DPP10: variants seen among roughly 807,000 people sequenced by gnomAD.
DPP10 encodes dipeptidyl peptidase like 10.
In DPP10, 33 loss-of-function variants were observed where a neutral mutation model predicts 120.9. That is an observed-to-expected ratio of 0.27 (90% CI 0.21 to 0.37). DPP10 has a LOEUF of 0.37. DPP10 is among the 10% of genes least tolerant of loss of function. The pLI is 1.00. For missense variants in DPP10, 816 were observed against 942.8 expected, an observed-to-expected ratio of 0.87 and a Z score of 1.76; for synonymous variants, 337 against 326.1, an observed-to-expected ratio of 1.03 and a Z score of -0.36.
chr2:114,700,259 C>A (rs1479716835), intron 1 of DPP10, among the ~76,000 whole-genome samples: 1 of 152,072 alleles, frequency 6.6e-6, no homozygotes, highest in Non-Finnish European at 1.5e-5. Context: ...CCACCCTCCA[C>A]CTTCTCCTGC....
At chr2:114,702,779 A>C (rs1700460465) in intron 1 of DPP10, among the ~76,000 whole-genome samples, 1 of 152,118 alleles carries the variant, frequency 6.6e-6, no homozygotes, top group African/African-American at 2.4e-5. Flanking sequence ...CTCTTTCCTA[A>C]GAACAGAGTA....
In DPP10 at chr2:115,438,587, A is replaced by G. The variant is rs1238005191; in HGVS notation, c.272-60923A>G. 2.0e-5 allele frequency among the ~76,000 whole-genome samples: 3 copies of G among 152,236 alleles called. No homozygotes were observed. In the East Asian group the frequency reaches 5.8e-4, roughly 29 times the overall value. ...TTAAAGAGGAAGGAAATTCTGACAC[A>G]TGCTATCCCATAGATGAATCCTAAA... On this transcript the variant is annotated intron_variant, in intron 3 of 25. Transcript: ENST00000410059.
chr2:115,106,605 G>C (rs540190384), intron 1 of DPP10, among the ~76,000 whole-genome samples: 1 of 151,726 alleles, frequency 6.6e-6, no homozygotes, highest in Admixed American at 6.6e-5. Context: ...GGACTACAGC[G>C]CATGCCACCA....
chr2:115,244,991 C>T (rs1393890207), intron 1 of DPP10, among the ~76,000 whole-genome samples: 1 of 151,974 alleles, frequency 6.6e-6, no homozygotes, highest in African/African-American at 2.4e-5. Flanking sequence ...TATCCCTCAG[C>T]TCCCTCAGCC....
intron 1 of DPP10, among the ~76,000 whole-genome samples, chr2:114,669,098 G>T (rs1464409119): frequency 2.6e-5 from 4 of 152,012 alleles, no homozygotes; most frequent in Admixed American, 6.6e-5. Flanking sequence ...AAACATCAAG[G>T]TTGCATCTAC....
chr2:115,402,939 A>ATATATATATGTATATATATATG (rs1553584553), intron 3 of DPP10, among the ~76,000 whole-genome samples: 1 of 133,512 alleles, frequency 7.5e-6, no homozygotes, highest in Non-Finnish European at 1.5e-5. Flanking sequence ...GTATATATAT[A>ATATATATATGTATATATATATG]TGTGTGTGTG....
chr2:115,630,145 G>A (rs2085724634), intron 5 of DPP10, among the ~76,000 whole-genome samples: 1 of 151,980 alleles, frequency 6.6e-6, no homozygotes, highest in African/African-American at 2.4e-5. Flanking sequence ...GTATTCCTAG[G>A]TATTTTACTC....
chr2:115,071,636 G>T (rs1489939358), intron 1 of DPP10, among the ~76,000 whole-genome samples: 2 of 151,760 alleles, frequency 1.3e-5, no homozygotes, highest in Admixed American at 6.6e-5. Context: ...TCAGAAGTGA[G>T]TTTCAAGTTT....
At chr2:114,739,568 A>G (rs1677816347) in intron 1 of DPP10, among the ~76,000 whole-genome samples, 1 of 152,140 alleles carries the variant, frequency 6.6e-6, no homozygotes, top group Non-Finnish European at 1.5e-5. Context: ...CTGAGACAGG[A>G]GAATCGCTTG....
At chr2:114,992,632 C>T (rs1243037231) in intron 1 of DPP10, among the ~76,000 whole-genome samples, 2 of 152,130 alleles carry the variant, frequency 1.3e-5, no homozygotes, top group African/African-American at 2.4e-5. Flanking sequence ...CCCAAGTTGA[C>T]TAAGAAACTC....
At chr2:114,635,871 G>A (rs532484101) in intron 1 of DPP10, among the ~76,000 whole-genome samples, 1 of 151,896 alleles carries the variant, frequency 6.6e-6, no homozygotes, top group Non-Finnish European at 1.5e-5. Context: ...TTTAAAACAT[G>A]AGGATATTCC....
chr2:115,275,121 C>G (rs1282671676), intron 1 of DPP10, among the ~76,000 whole-genome samples: 1 of 152,144 alleles, frequency 6.6e-6, no homozygotes, highest in Non-Finnish European at 1.5e-5. Flanking sequence ...TTAACAGCCA[C>G]CTATAATTGA....
intron 1 of DPP10, among the ~76,000 whole-genome samples, chr2:115,038,737 G>A (rs1223829489): frequency 2.0e-5 from 3 of 152,144 alleles, no homozygotes; most frequent in African/African-American, 4.8e-5. Context: ...CCCTGTAATG[G>A]AGGGACAGTG....
At chr2:115,275,696 CTTTTCTTTTTT>C (rs1223583033) in intron 1 of DPP10, among the ~76,000 whole-genome samples, 2 of 94,998 alleles carry the variant, frequency 2.1e-5, no homozygotes, top group African/African-American at 8.2e-5. Flanking sequence ...AATTTCTTTT[CTTTTCTTTTTT>C]TTTTTTTTTT....
At chr2:114,521,804 GTTT>G (rs758908081) in intron 1 of DPP10, among the ~76,000 whole-genome samples, 2 of 112,756 alleles carry the variant, frequency 1.8e-5, no homozygotes, top group Non-Finnish European at 3.5e-5. Flanking sequence ...ATTATCCAAG[GTTT>G]TTTTTTTTTT....
intron 3 of DPP10, among the ~76,000 whole-genome samples, chr2:115,434,229 C>T (rs190998746): frequency 3.3e-5 from 5 of 152,084 alleles, no homozygotes; most frequent in Admixed American, 3.3e-4. Context: ...AGTTTTAGAT[C>T]ATGTTGTTAA....
At chr2:115,275,971 G>A (rs951226949) in intron 1 of DPP10, among the ~76,000 whole-genome samples, 1 of 152,034 alleles carries the variant, frequency 6.6e-6, no homozygotes, top group African/African-American at 2.4e-5. Flanking sequence ...AAAGTGCTGG[G>A]ATTACGGGCG....
At chr2:114,700,218 T>A (rs1448488692) in intron 1 of DPP10, among the ~76,000 whole-genome samples, 2 of 151,972 alleles carry the variant, frequency 1.3e-5, no homozygotes, top group Admixed American at 6.6e-5. Flanking sequence ...AAAGCAACTG[T>A]TTTTGTTGGA....
At chr2:115,144,706 C>T (rs2051125383) in intron 1 of DPP10, among the ~76,000 whole-genome samples, 1 of 149,644 alleles carries the variant, frequency 6.7e-6, no homozygotes, top group African/African-American at 2.5e-5. Flanking sequence ...AGGAGATATA[C>T]CTAATGCTAA....
Sources: gnomAD v4.1 joint callset for allele counts (sites outside exome capture counted in the v4.1 genomes callset) on GRCh38, gnomAD v4.1.1 for gene constraint, MANE v1.5 for transcripts, NCBI Gene and HGNC (gene_info 2026-07-23, HGNC 2026-07-21) for gene names.